Variants in WWOX observed in about 807,000 individuals in gnomAD.
WWOX encodes WW domain containing oxidoreductase.
WWOX carries 69 observed loss-of-function variants against 46.2 expected under a neutral mutation model. That is an observed-to-expected ratio of 1.49 (90% CI 1.23 to 1.82). The LOEUF (loss-of-function observed/expected upper bound fraction) is 1.82. Among genes scored for constraint, WWOX ranks in the 40% most tolerant of loss-of-function variants. The pLI, the probability that WWOX is intolerant of heterozygous loss-of-function variation, is 0.00. For missense variants in WWOX, 919 were observed against 542.6 expected, an observed-to-expected ratio of 1.69 and a Z score of -6.89; for synonymous variants, 359 against 202.6, an observed-to-expected ratio of 1.77 and a Z score of -6.56.
intron 8 of WWOX, among the ~76,000 whole-genome samples, chr16:78,822,314 C>T (rs758344986): frequency 7.2e-5 from 11 of 151,914 alleles, no homozygotes; most frequent in Non-Finnish European, 1.0e-4. Context: ...GCTGACATGA[C>T]GAAACGCCAT....
At chr16:78,888,865 T>G (rs2044525262) in intron 8 of WWOX, among the ~76,000 whole-genome samples, 3 of 152,118 alleles carry the variant, frequency 2.0e-5, no homozygotes, top group African/African-American at 7.2e-5. Context: ...TGCCCAGCAG[T>G]ATTTCTGTTT....
chr16:78,541,583 A>G (rs896898249), intron 8 of WWOX, among the ~76,000 whole-genome samples: 1 of 150,930 alleles, frequency 6.6e-6, no homozygotes, highest in Non-Finnish European at 1.5e-5. Flanking sequence ...AGGATAGGGT[A>G]TAATTTAATT....
intron 8 of WWOX, among the ~76,000 whole-genome samples, chr16:78,867,101 C>A (rs1481636582): frequency 2.6e-5 from 4 of 152,114 alleles, no homozygotes; most frequent in Non-Finnish European, 5.9e-5. Context: ...CTGTTATGTT[C>A]TTAGCTCACT....
At chr16:78,635,974 C>G (rs1261770947) in intron 8 of WWOX, among the ~76,000 whole-genome samples, 1 of 152,098 alleles carries the variant, frequency 6.6e-6, no homozygotes, top group Non-Finnish European at 1.5e-5. Flanking sequence ...GGCCTAATTG[C>G]ACGGTTAATA....
intron 8 of WWOX, among the ~76,000 whole-genome samples, chr16:78,507,802 A>G (rs1049808919): frequency 9.9e-5 from 15 of 152,120 alleles, no homozygotes; most frequent in Non-Finnish European, 2.2e-4. Flanking sequence ...CTTGATTAAT[A>G]AGGCGTGAAA....
intron 8 of WWOX, among the ~76,000 whole-genome samples, chr16:79,021,944 T>C (rs1287349896): frequency 1.3e-5 from 2 of 152,082 alleles, no homozygotes; most frequent in Middle Eastern, 3.2e-3. Flanking sequence ...TCACTGAGAG[T>C]TAAAATCACC....
intron 5 of WWOX, among the ~76,000 whole-genome samples, chr16:78,305,473 A>G (rs79464922): frequency 0.025 from 3,750 of 152,204 alleles, 139 homozygotes; most frequent in African/African-American, 0.085. Context: ...ACTCTTCCAA[A>G]TGATGGCAGG....
intron 8 of WWOX, among the ~76,000 whole-genome samples, chr16:78,765,633 T>C (rs1183381854): frequency 6.6e-6 from 1 of 151,980 alleles, no homozygotes; most frequent in Non-Finnish European, 1.5e-5. Flanking sequence ...GAGCCGAGAT[T>C]GTGCCACTGC....
In WWOX at chr16:78,112,943, C is replaced by T. The variant is rs138638172; in HGVS notation, c.231-2033C>T. 6.4e-3 allele frequency among the ~76,000 whole-genome samples: 969 copies of T among 152,056 alleles called. 11 individuals carry two copies. Among genetic ancestry groups the T allele is most frequent in the African/African-American group, 0.023 (935 of 41,496 alleles). ...CTGGTCTTGAACTTCTGGCCTTCAG[C>T]GATCCTCCTGCCTTGACTTCCCAAA... is the stretch of plus-strand genomic sequence containing the variant. On this transcript the variant is annotated intron_variant, in intron 3 of 8. Coordinates refer to ENST00000566780, the MANE Select transcript of WWOX (RefSeq NM_016373.4).
chr16:79,211,361 T>C lies in WWOX; in HGVS notation c.1057-247T>C, dbSNP rs76455842. 0.064 allele frequency among the ~76,000 whole-genome samples: 9,787 copies of C among 152,258 alleles called. 437 individuals are homozygous for C. The highest frequency in any genetic ancestry group is 0.23 in the East Asian group (1,194 of 5,168). On this transcript the variant is annotated intron_variant, in intron 8 of 8. Coordinates refer to ENST00000566780, the MANE Select transcript of WWOX (RefSeq NM_016373.4). ...TATGTGTATTTATTTTCCAAGCCTG[T>C]CCCTGTATGAGGTGTCAAAAGTTAC...
chr16:78,973,124 C>T (rs2046504216), intron 8 of WWOX, among the ~76,000 whole-genome samples: 1 of 152,202 alleles, frequency 6.6e-6, no homozygotes, highest in African/African-American at 2.4e-5. Flanking sequence ...TCATTCCCTT[C>T]CCGTATAAGG....
intron 5 of WWOX, among the ~76,000 whole-genome samples, chr16:78,358,350 G>C (rs1226509341): frequency 6.6e-6 from 1 of 152,164 alleles, no homozygotes. Flanking sequence ...CAGTAATAAA[G>C]TCAATGTTGT....
rs554339678 is a variant in WWOX at position 78,716,639 on chromosome 16, C to T, written c.1056+283887C>T. Among the ~76,000 whole-genome samples the T allele has an allele frequency of 4.3e-4, 65 of 152,120 alleles. 1 individual carries two copies. The highest frequency in any genetic ancestry group is 1.5e-3 in the African/African-American group (63 of 41,504). ...CTCATCTCTATAGGTTCTGTGATAACGCTCCTCTCACTGTGCTGCTCCTTG... is the reference window on the plus strand; with the variant it reads ...CTCATCTCTATAGGTTCTGTGATAATGCTCCTCTCACTGTGCTGCTCCTTG... On this transcript the variant is annotated intron_variant, in intron 8 of 8. Coordinates refer to ENST00000566780, the MANE Select transcript of WWOX (RefSeq NM_016373.4).
Position 78,909,982 on chromosome 16 carries a change from A to G in WWOX, c.1057-301626A>G, listed in dbSNP as rs867946327. ...TACATAAAAGAATGCAATTCCACCT[A>G]TATTTTGATTTAAGATCAAATTTTT... On this transcript the variant is annotated intron_variant, in intron 8 of 8. Coordinates refer to ENST00000566780, the MANE Select transcript of WWOX (RefSeq NM_016373.4). 1.1e-4 allele frequency among the ~76,000 whole-genome samples: 16 copies of G among 152,336 alleles called. No individual in the cohort carries two copies. The South Asian group carries it at 2.1e-3, about 20-fold the overall frequency.
chr16:78,978,683 G>A (rs933584457), intron 8 of WWOX, among the ~76,000 whole-genome samples: 1 of 152,132 alleles, frequency 6.6e-6, no homozygotes, highest in African/African-American at 2.4e-5. Context: ...ATCTTACATC[G>A]CCAGAGCAGG....
At chr16:78,476,102 A>G (rs2084342781) in intron 8 of WWOX, among the ~76,000 whole-genome samples, 1 of 152,134 alleles carries the variant, frequency 6.6e-6, no homozygotes, top group Non-Finnish European at 1.5e-5. Context: ...TCTAATTGTT[A>G]CCAAATCCAG....
chr16:78,865,649 G>A (rs1162758126), intron 8 of WWOX, among the ~76,000 whole-genome samples: 4 of 152,170 alleles, frequency 2.6e-5, no homozygotes, highest in Non-Finnish European at 5.9e-5. Context: ...GGAGGCTGAG[G>A]TGGGTGGATC....
chr16:79,209,642 T>G (rs992549293), intron 8 of WWOX, among the ~76,000 whole-genome samples: 24 of 152,176 alleles, frequency 1.6e-4, no homozygotes, highest in Admixed American at 1.4e-3. Context: ...GACAGATATC[T>G]GGAAGTTGAT....
rs540922229 is a variant in WWOX at position 78,238,111 on chromosome 16, G to A, written c.516+73822G>A. ...ACCTCCTGGGGATAAGGCTGCCTTC[G>A]TCTAGAAAGTGCCTCGGTTCCAGCT... On this transcript the variant is annotated intron_variant, in intron 5 of 8. Transcript: ENST00000566780. The A allele has an allele frequency of 3.3e-5, 5 of 152,284 alleles. No individual in the cohort carries two copies. The East Asian group carries it at 7.7e-4, about 23-fold the overall frequency. The allele number at this position is 152,284 out of a possible 1,614,324, so 9.4% of individuals were successfully genotyped here. A position where few individuals can be genotyped will look rare whatever the true frequency, so the allele number is the denominator to read the frequency against.
Sources: allele counts gnomAD v4.1 joint callset (sites outside exome capture counted in the v4.1 genomes callset), GRCh38; gene constraint gnomAD v4.1.1; transcripts MANE v1.5; gene names NCBI Gene and HGNC (gene_info 2026-07-23, HGNC 2026-07-21).